The following ZNF317 variants were observed in gnomAD, a reference collection of about 807,000 sequenced individuals.
The protein encoded by ZNF317 is KRAB-containing zinc finger protein 317.
A neutral mutation model predicts 23.4 loss-of-function variants in ZNF317; 17 were observed. That is an observed-to-expected ratio of 0.73 (90% CI 0.50 to 1.09). ZNF317 has a LOEUF of 1.09. Ranked by LOEUF, ZNF317 falls within the 50% of genes least tolerant of loss-of-function variation. The pLI, the probability that ZNF317 is intolerant of heterozygous loss-of-function variation, is 0.00. For synonymous variants in ZNF317, 317 were observed against 314.9 expected (o/e 1.01, Z -0.07); for missense variants, 679 against 796.7 (o/e 0.85, Z 1.78).
At chr19:9,143,947 T>C (rs2050659035) in intron 1 of ZNF317, among the ~76,000 whole-genome samples, 1 of 150,524 alleles carries the variant, frequency 6.6e-6, no homozygotes, top group Admixed American at 6.7e-5. Flanking sequence ...TTACTTGCCT[T>C]ATATATCCTT....
intron 4 of ZNF317, 77 bp from the exon 5 acceptor site, chr19:9,157,903 G>C (rs1047003806): frequency 3.3e-6 from 5 of 1,493,666 alleles, no homozygotes; most frequent in Non-Finnish European, 4.5e-6. Context: ...GAAGACCCAA[G>C]TGTTGAGCCC....
chr19:9,162,327 A>G lies in ZNF317; in HGVS notation c.*894A>G, dbSNP rs1341988704. On this transcript the variant is annotated 3_prime_UTR_variant, in exon 7 of 7. Transcript: ENST00000247956. ...TGAGGTTGAAAATAATCATGCAGTC[A>G]TTCCTCAATTACTGCCTGCAGCAAT... is the stretch of plus-strand genomic sequence containing the variant. 6.6e-6 allele frequency: 1 copy of G among 152,182 alleles called. No homozygotes were observed. Among genetic ancestry groups the G allele is most frequent in the East Asian group, 1.9e-4 (1 of 5,192 alleles). The allele number at this position is 152,182 out of a possible 1,614,324, so 9.4% of individuals were successfully genotyped here. A position where few individuals can be genotyped will look rare whatever the true frequency, so the allele number is the denominator to read the frequency against.
chr19:9,157,789 T>G, intron 4 of ZNF317, 191 bp from the exon 5 acceptor site: 1 of 1,348,168 alleles, frequency 7.4e-7, no homozygotes, highest in East Asian at 2.8e-5. Context: ...GCTTTGCCTG[T>G]GGTTTTGTTT....
At chr19:9,145,041 ATGTT>A (rs1005833014) in intron 1 of ZNF317, among the ~76,000 whole-genome samples, 9 of 151,902 alleles carry the variant, frequency 5.9e-5, no homozygotes, top group South Asian at 2.1e-4. Context: ...TGTCAGTCTA[ATGTT>A]TGTTTGTTTG....
chr19:9,148,132 T>G (rs1168459902), intron 1 of ZNF317, among the ~76,000 whole-genome samples: 1 of 152,208 alleles, frequency 6.6e-6, no homozygotes, highest in East Asian at 1.9e-4. Flanking sequence ...GATAGCACTG[T>G]GCTTCCTGTA....
rs2050835568 is a variant in ZNF317 at position 9,160,370 on chromosome 19, G to T, written c.725G>T (p.Arg242Ile). 6.2e-7 allele frequency: 1 copy of T among 1,614,064 alleles called. No individual in the cohort carries two copies. Among genetic ancestry groups the T allele is most frequent in the Admixed American group, 1.7e-5 (1 of 59,994 alleles). Residue 242 changes from arginine to isoleucine, a missense_variant, in exon 7 of 7, where the codon AGA becomes ATA. Transcript: ENST00000247956. This position sits in a 1 kb window ranked among gnomAD's most constrained non-coding sequence, Gnocchi z 6.8. ...AGCGCGTCCCTCACACGGCACAGGA[G>T]AATCCACACCGGGGAGAAGCCTTAC... is the stretch of plus-strand genomic sequence containing the variant. The part of the protein sequence containing the change: ...TTSASLTRHR[R>I]IHTGEKPYEC...
chr19:9,143,431 T>A (rs1211308611), intron 1 of ZNF317, among the ~76,000 whole-genome samples: 1 of 152,148 alleles, frequency 6.6e-6, no homozygotes, highest in Non-Finnish European at 1.5e-5. Flanking sequence ...GCCTGTCACA[T>A]CCCAAAGAAT....
intron 1 of ZNF317, among the ~76,000 whole-genome samples, chr19:9,141,483 T>A (rs2145935204): frequency 6.6e-6 from 1 of 152,360 alleles, no homozygotes; most frequent in Non-Finnish European, 1.5e-5. Context: ...TAATTATTTG[T>A]GAATGAACTC....
Position 9,161,538 on chromosome 19 carries a change from C to A in ZNF317, c.*105C>A. The A allele has an allele frequency of 6.8e-7, 1 of 1,479,608 alleles. No homozygotes were observed. The allele number at this position is 1,479,608 out of a possible 1,614,324, so 91.7% of individuals were successfully genotyped here. Reference sequence around the variant, plus strand: ...GCACCTTACTGGGTGCAAAAGAATCCACGGAACTTGGGAGAAGTCCAGTTC... The same window carrying A: ...GCACCTTACTGGGTGCAAAAGAATCAACGGAACTTGGGAGAAGTCCAGTTC... On this transcript the variant is annotated 3_prime_UTR_variant, in exon 7 of 7. Coordinates refer to ENST00000247956, the MANE Select transcript of ZNF317 (RefSeq NM_020933.5). This position sits in a 1 kb window ranked among gnomAD's most constrained non-coding sequence, Gnocchi z 4.0.
chr19:9,157,310 A>G lies in ZNF317; in HGVS notation c.205A>G (p.Lys69Glu). ...FQDVAVDFTE[K>E]EWPLLDSSQR... is the part of the protein sequence containing the mutation. Reference sequence around the variant, plus strand: ...AGATGTCGCTGTGGACTTTACCGAGAAGGAGTGGCCCTTGCTGGATTCTTC... The same window carrying G: ...AGATGTCGCTGTGGACTTTACCGAGGAGGAGTGGCCCTTGCTGGATTCTTC... The change falls in exon 4 of 7, where the codon AAG becomes GAG. Residue 69 changes from lysine to glutamate, a missense_variant. Lys to Glu is a moderately conservative substitution (Grantham distance 56). Transcript: ENST00000247956. The G allele has an allele frequency of 6.2e-7, 1 of 1,614,050 alleles. No homozygotes were observed. Among genetic ancestry groups the G allele is most frequent in the Non-Finnish European group, 8.5e-7 (1 of 1,179,974 alleles).
intron 3 of ZNF317, 32 bp from the exon 4 acceptor site, chr19:9,157,236 C>T (rs757483312): frequency 1.2e-6 from 2 of 1,610,508 alleles, no homozygotes; most frequent in Non-Finnish European, 1.7e-6. Context: ...AGGCTGGTTC[C>T]TCGCTGACCC....
chr19:9,140,897 A>T (rs577341136), intron 1 of ZNF317, among the ~76,000 whole-genome samples: 1 of 152,140 alleles, frequency 6.6e-6, no homozygotes, highest in African/African-American at 2.4e-5. Flanking sequence ...AGTTCAGGAG[A>T]TTGGGGGGCG....
Position 9,161,452 on chromosome 19 carries a change from C to G in ZNF317, c.*19C>G, listed in dbSNP as rs1405877016. On this transcript the variant is annotated 3_prime_UTR_variant, in exon 7 of 7. Transcript: ENST00000247956. The surrounding 1 kb of genome is among the most constrained non-coding windows in gnomAD (Gnocchi z 4.0). ...CCAGTGAGCGCGCCTGCTTTAGAGA[C>G]ACAGGATGATTCAGACCGGAAACAG... is the stretch of plus-strand genomic sequence containing the variant. 4 of 1,595,238 alleles carry G rather than the reference C, an allele frequency of 2.5e-6. No individual in the cohort carries two copies. The highest frequency in any genetic ancestry group is 3.4e-6 in the Non-Finnish European group (4 of 1,168,508).
At chr19:9,156,509 T>C (rs1157468358) in intron 2 of ZNF317, 103 bp from the exon 3 acceptor site, 2 of 1,409,938 alleles carry the variant, frequency 1.4e-6, no homozygotes, top group African/African-American at 1.4e-5. Flanking sequence ...GGATTGAGGA[T>C]GTGAACACTC....
Position 9,161,029 on chromosome 19 carries a change from A to C in ZNF317, c.1384A>C (p.Thr462Pro). 6.2e-7 allele frequency: 1 copy of C among 1,614,204 alleles called. No individual in the cohort carries two copies. Among genetic ancestry groups the C allele is most frequent in the Non-Finnish European group, 8.5e-7 (1 of 1,180,050 alleles). Reference sequence around the variant, plus strand: ...AGCTTTCAGCGCGAGTTCAAACCTCACCGCACACAGGAAGATACACACGCA... The same window carrying C: ...AGCTTTCAGCGCGAGTTCAAACCTCCCCGCACACAGGAAGATACACACGCA... ...GKAFSASSNLTAHRKIHTQER... is the reference protein window; with the variant it reads ...GKAFSASSNLPAHRKIHTQER... Residue 462 changes from threonine (T) to proline (P), a missense_variant, in exon 7 of 7, where the codon ACC becomes CCC. Physicochemically the swap from Thr to Pro is conservative, Grantham distance 38 (BLOSUM62 -1). Transcript: ENST00000247956. This position sits in a 1 kb window ranked among gnomAD's most constrained non-coding sequence, Gnocchi z 4.0.
At chr19:9,153,145 TG>T (rs112613067) in intron 1 of ZNF317, among the ~76,000 whole-genome samples, 4,171 of 144,796 alleles carry the variant, frequency 0.029, 63 homozygotes, top group Non-Finnish European at 0.035. Context: ...TCAAGGTAGT[TG>T]TTTTTGTTTG....
rs573363167 is a variant in ZNF317, at chr19:9,160,625, C to T, written c.980C>T (p.Thr327Met). ...RSCHLIAHKR[T>M]HTGERPYECH... ...TGCCACCTCATCGCACACAAGAGAA[C>T]GCACACCGGAGAGAGGCCCTACGAG... The change falls in exon 7 of 7, where the codon ACG becomes ATG. Residue 327 changes from threonine (T) to methionine (M), a missense_variant. Physicochemically the swap from Thr to Met is moderately conservative, Grantham distance 81 (BLOSUM62 -1). Transcript: ENST00000247956. This position sits in a 1 kb window ranked among gnomAD's most constrained non-coding sequence, Gnocchi z 6.8. 1.4e-5 allele frequency: 23 copies of T among 1,613,878 alleles called. No individual in the cohort carries two copies. The highest frequency in any genetic ancestry group is 1.9e-5 in the Non-Finnish European group (22 of 1,180,022).
At chr19:9,140,726 G>A in intron 1 of ZNF317, 134 bp downstream of exon 1, 1 of 363,098 alleles carries the variant, frequency 2.8e-6, no homozygotes, top group South Asian at 2.0e-5. Context: ...GGTGCGTTTA[G>A]ATCTCGCGAT....
chr19:9,160,047 G>A lies in ZNF317; in HGVS notation c.469-67G>A. ...TATCTGTTCATAGCAGTGTATGTGG[G>A]GATGACGCTTAGGGTTGCAATGAAT... On this transcript the variant is annotated intron_variant, in intron 6 of 6. Transcript: ENST00000247956. This position sits in a 1 kb window ranked among gnomAD's most constrained non-coding sequence, Gnocchi z 6.8. 6.3e-7 allele frequency: 1 copy of A among 1,593,156 alleles called. No homozygotes were observed. The highest frequency in any genetic ancestry group is 2.2e-5 in the East Asian group (1 of 44,660).
Sources: allele counts gnomAD v4.1 joint callset (sites outside exome capture counted in the v4.1 genomes callset), GRCh38; gene constraint gnomAD v4.1.1; non-coding constraint Gnocchi (gnomAD v3.1); transcripts MANE v1.5; gene names NCBI Gene and HGNC (gene_info 2026-07-23, HGNC 2026-07-21).